The following ENOX1 variants were observed in gnomAD, a reference collection of about 807,000 sequenced individuals.
ENOX1 encodes the protein candidate growth-related and time keeping constitutive hydroquinone (NADH) oxidase.
A neutral mutation model predicts 82.5 loss-of-function variants in ENOX1; 42 were observed. The ratio of observed to expected loss-of-function variants is 0.51; its 90% confidence interval spans 0.40 to 0.66. The LOEUF is 0.66. Among genes scored for constraint, ENOX1 ranks in the 30% least tolerant of loss-of-function variants. ENOX1 has a pLI of 0.00. For missense variants in ENOX1, 608 were observed against 811.6 expected (o/e 0.75, Z 3.05); for synonymous variants, 271 against 282.2 (o/e 0.96, Z 0.40).
At chr13:43,691,872 T>C (rs1212590768) in intron 1 of ENOX1, among the ~76,000 whole-genome samples, 1 of 151,974 alleles carries the variant, frequency 6.6e-6, no homozygotes, top group Non-Finnish European at 1.5e-5. Flanking sequence ...GGCTAATTTT[T>C]TGTATTTTTA....
At chr13:43,418,591 C>G (rs1026058700) in intron 3 of ENOX1, among the ~76,000 whole-genome samples, 2 of 152,170 alleles carry the variant, frequency 1.3e-5, no homozygotes, top group Admixed American at 1.3e-4. Flanking sequence ...AATATTTTCT[C>G]TCTAGGTTTT....
At chr13:43,746,368 CATGTT>C (rs1273385189) in intron 1 of ENOX1, among the ~76,000 whole-genome samples, 1 of 151,928 alleles carries the variant, frequency 6.6e-6, no homozygotes, top group East Asian at 1.9e-4. Context: ...AAATAACTGT[CATGTT>C]AGGAAAAATT....
chr13:43,726,900 C>T (rs1323368558), intron 1 of ENOX1, among the ~76,000 whole-genome samples: 1 of 152,066 alleles, frequency 6.6e-6, no homozygotes, highest in Non-Finnish European at 1.5e-5. Flanking sequence ...CGTCCCCACA[C>T]CTGGCTAATT....
intron 8 of ENOX1, among the ~76,000 whole-genome samples, chr13:43,351,832 G>T (rs1353746523): frequency 1.3e-5 from 2 of 151,550 alleles, no homozygotes; most frequent in Non-Finnish European, 2.9e-5. Context: ...ATCATTGTTG[G>T]ACATTTGGGT....
At chr13:43,405,727 G>A (rs1482568675) in intron 5 of ENOX1, among the ~76,000 whole-genome samples, 3 of 152,096 alleles carry the variant, frequency 2.0e-5, no homozygotes, top group Admixed American at 6.5e-5. Context: ...CAGGATAATC[G>A]CTGGCATTAC....
intron 3 of ENOX1, among the ~76,000 whole-genome samples, chr13:43,416,257 T>A (rs9567179): frequency 5.9e-5 from 2 of 33,844 alleles, no homozygotes; most frequent in South Asian, 9.3e-4. Flanking sequence ...CGGGCAGAGG[T>A]GCTCCCCATC....
rs530250763 is a variant in ENOX1 at position 43,279,120 on chromosome 13, C to A, written c.1447-9543G>T. Reference sequence around the variant, plus strand: ...GTTTCATCAGACAAGATTTTAGAGACCATTTCCTTTGCTTGAATGTACCCC... The same window carrying A: ...GTTTCATCAGACAAGATTTTAGAGAACATTTCCTTTGCTTGAATGTACCCC... On this transcript the variant is annotated intron_variant, in intron 12 of 16. Transcript: ENST00000690772. Among the ~76,000 whole-genome samples, 9 of 152,294 alleles carry A rather than the reference C, an allele frequency of 5.9e-5. No homozygotes were observed. In the South Asian group the frequency reaches 1.5e-3, roughly 25 times the overall value.
chr13:43,250,341 C>T (rs1469720814), intron 14 of ENOX1, among the ~76,000 whole-genome samples: 1 of 152,166 alleles, frequency 6.6e-6, no homozygotes, highest in Non-Finnish European at 1.5e-5. Flanking sequence ...TGAGTGAGTT[C>T]CCTTTTCAGT....
chr13:43,681,686 AACAC>A (rs3044219), intron 1 of ENOX1, among the ~76,000 whole-genome samples: 26,485 of 135,028 alleles, frequency 0.2, 2,322 homozygotes, highest in East Asian at 0.23. Flanking sequence ...ATAATGCATA[AACAC>A]ACACACACAC....
chr13:43,621,588 C>T (rs952796871), intron 2 of ENOX1, among the ~76,000 whole-genome samples: 2 of 152,130 alleles, frequency 1.3e-5, no homozygotes, highest in Non-Finnish European at 2.9e-5. Context: ...GTCCCAATCC[C>T]GTCTAGCTTG....
intron 11 of ENOX1, among the ~76,000 whole-genome samples, chr13:43,307,107 C>G (rs1034819246): frequency 6.6e-6 from 1 of 152,160 alleles, no homozygotes; most frequent in African/African-American, 2.4e-5. Flanking sequence ...AAGTGGGCAC[C>G]AAGACTTCAC....
intron 6 of ENOX1, among the ~76,000 whole-genome samples, chr13:43,360,260 T>C (rs2050412616): frequency 6.6e-6 from 1 of 152,204 alleles, no homozygotes; most frequent in Non-Finnish European, 1.5e-5. Context: ...CTGTGTTCAT[T>C]GCTACACAGA....
At chr13:43,390,287 A>C (rs538801771) in intron 5 of ENOX1, among the ~76,000 whole-genome samples, 6 of 152,318 alleles carry the variant, frequency 3.9e-5, no homozygotes, top group African/African-American at 1.4e-4. Context: ...CTGACTCTTT[A>C]GGAGGAGAAA....
intron 9 of ENOX1, 76 bp downstream of exon 9, chr13:43,344,462 A>G (rs2049257058): frequency 2.4e-6 from 3 of 1,247,696 alleles, no homozygotes; most frequent in Middle Eastern, 4.9e-4. Flanking sequence ...ACTTACCCCC[A>G]AATGAAAAAG....
intron 2 of ENOX1, among the ~76,000 whole-genome samples, chr13:43,535,460 A>T (rs1042503340): frequency 3.3e-5 from 5 of 152,148 alleles, no homozygotes; most frequent in Non-Finnish European, 4.4e-5. Context: ...CCTGCCTTCC[A>T]GTACCTCTCC....
intron 3 of ENOX1, among the ~76,000 whole-genome samples, chr13:43,474,284 A>T (rs1168437398): frequency 6.6e-6 from 1 of 152,144 alleles, no homozygotes; most frequent in East Asian, 1.9e-4. Context: ...GAAATGAAAC[A>T]TCACCTACTT....
Position 43,767,307 on chromosome 13 carries a change from T to A in ENOX1, c.-285+19345A>T, listed in dbSNP as rs1951334796. On this transcript the variant is annotated intron_variant, in intron 1 of 16. Transcript: ENST00000690772. ...AAACACAGATGTCCCCATTGGGCAC[T>A]GAAGGCCATTCAAGTATGCACTGTT... Among the ~76,000 whole-genome samples the A allele has an allele frequency of 2.0e-5, 3 of 151,634 alleles. No individual in the cohort carries two copies. The South Asian group carries it at 6.3e-4, about 32-fold the overall frequency.
intron 2 of ENOX1, among the ~76,000 whole-genome samples, chr13:43,531,078 C>CT (rs776749208): frequency 6.0e-5 from 9 of 151,242 alleles, no homozygotes; most frequent in South Asian, 2.1e-4. Context: ...TAATATAATA[C>CT]TTTTTTTTAC....
At chr13:43,685,503 C>G (rs892427729) in intron 1 of ENOX1, among the ~76,000 whole-genome samples, 1 of 152,134 alleles carries the variant, frequency 6.6e-6, no homozygotes, top group Non-Finnish European at 1.5e-5. Flanking sequence ...GAGCAGTAAC[C>G]TGTTCATGGC....
Sources: gnomAD v4.1 joint callset for allele counts (sites outside exome capture counted in the v4.1 genomes callset) on GRCh38, gnomAD v4.1.1 for gene constraint, MANE v1.5 for transcripts, NCBI Gene and HGNC (gene_info 2026-07-23, HGNC 2026-07-21) for gene names.